The following KIF11 variants were observed in gnomAD, a reference collection of about 807,000 sequenced individuals.
KIF11 encodes the protein kinesin family member 11.
A neutral mutation model predicts 121.0 loss-of-function variants in KIF11; 9 were observed. The ratio of observed to expected loss-of-function variants is 0.07; its 90% CI spans 0.04 to 0.13. The LOEUF (loss-of-function observed/expected upper bound fraction) is 0.13. Among genes scored for constraint, KIF11 ranks in the 10% least tolerant of loss-of-function variants. KIF11 has a pLI of 1.00. For missense variants in KIF11, 846 were observed against 1,217.5 expected (o/e 0.69, Z 4.54); for synonymous variants, 408 against 421.0 (o/e 0.97, Z 0.38).
At chr10:92,597,808 C>T (rs924977481) in intron 1 of KIF11, among the ~76,000 whole-genome samples, 1 of 151,494 alleles carries the variant, frequency 6.6e-6, no homozygotes, top group East Asian at 2.0e-4. Context: ...TGCGCCACCA[C>T]GCCTGGCTAA....
At chr10:92,648,619 G>T (rs1564717983) in intron 19 of KIF11, among the ~76,000 whole-genome samples, 185 bp downstream of exon 19, 1 of 152,160 alleles carries the variant, frequency 6.6e-6, no homozygotes. Context: ...CATGATACAG[G>T]TGGTATCACA....
intron 21 of KIF11, among the ~76,000 whole-genome samples, chr10:92,651,502 ATTTTGTTTTTTTTTTTTTTTTTTTTTT>A (rs1844980028): frequency 9.3e-5 from 2 of 21,560 alleles, no homozygotes; most frequent in East Asian, 2.9e-3. Context: ...TGCCTGGCTA[ATTTTGTTTTTTTTTTTTTTTTTTTTTT>A]TTTTTTTTTT....
chr10:92,634,343 C>G (rs1844772758), intron 14 of KIF11, among the ~76,000 whole-genome samples: 1 of 150,840 alleles, frequency 6.6e-6, no homozygotes, highest in Non-Finnish European at 1.5e-5. Context: ...TTTCTCGGCT[C>G]ACTGCAACCT....
intron 6 of KIF11, among the ~76,000 whole-genome samples, chr10:92,611,212 T>C (rs1305396158): frequency 2.6e-5 from 4 of 151,928 alleles, no homozygotes; most frequent in Admixed American, 2.6e-4. Context: ...ATAGTATTAT[T>C]ATTATTATTA....
intron 17 of KIF11, among the ~76,000 whole-genome samples, chr10:92,644,271 G>A (rs987587959): frequency 6.6e-6 from 1 of 152,040 alleles, no homozygotes; most frequent in Non-Finnish European, 1.5e-5. Context: ...ATGGCTTATA[G>A]TACTTTTAAC....
chr10:92,634,024 G>A lies in KIF11; in HGVS notation c.1875+229G>A, dbSNP rs117725915. 0.034 allele frequency among the ~76,000 whole-genome samples: 5,194 copies of A among 152,164 alleles called. 138 individuals are homozygous for A. The highest frequency in any genetic ancestry group is 0.061 in the Admixed American group (925 of 15,282). On this transcript the variant is annotated intron_variant, in intron 14 of 21. Transcript: ENST00000260731. ...TTGTTTTGAGATGGAGTCTCGCTCT[G>A]TCGTCCAGGAGTGCAGTGGCGTGAT...
chr10:92,651,542 T>TTTTTTAG (rs1844984162), intron 21 of KIF11, among the ~76,000 whole-genome samples: 1 of 110,608 alleles, frequency 9.0e-6, no homozygotes, highest in Non-Finnish European at 1.8e-5. Flanking sequence ...TTTTTTTTTT[T>TTTTTTAG]TTTTTTAGTA....
At chr10:92,641,894 A>G (rs143879369) in intron 17 of KIF11, among the ~76,000 whole-genome samples, 1 of 152,294 alleles carries the variant, frequency 6.6e-6, no homozygotes, top group Admixed American at 6.5e-5. Flanking sequence ...CTGTCTTCAT[A>G]TTCACTGAGT....
At chr10:92,599,216 G>C (rs1424301063) in intron 1 of KIF11, among the ~76,000 whole-genome samples, 2 of 151,682 alleles carry the variant, frequency 1.3e-5, no homozygotes, top group African/African-American at 4.8e-5. Flanking sequence ...CATTCTTAGT[G>C]TATAAAAATG....
chr10:92,650,618 TC>T (rs1844970614), intron 21 of KIF11, 101 bp downstream of exon 21: 2 of 707,784 alleles, frequency 2.8e-6, no homozygotes, highest in Admixed American at 4.4e-5. Flanking sequence ...CAAAAACCTT[TC>T]AATTATTCCT....
intron 9 of KIF11, among the ~76,000 whole-genome samples, chr10:92,618,635 C>T (rs1390187096): frequency 7.2e-6 from 1 of 139,072 alleles, no homozygotes; most frequent in African/African-American, 3.1e-5. Flanking sequence ...CAGAGTGAGG[C>T]TCTGTCTCAA....
intron 1 of KIF11, among the ~76,000 whole-genome samples, chr10:92,599,175 G>A (rs985124995): frequency 1.3e-5 from 2 of 151,984 alleles, no homozygotes; most frequent in Non-Finnish European, 2.9e-5. Context: ...TTTAAATTGA[G>A]TTGTTTTTGT....
chr10:92,630,120 G>C (rs1261692804), intron 11 of KIF11, 56 bp from the exon 12 acceptor site: 2 of 880,544 alleles, frequency 2.3e-6, no homozygotes, highest in Non-Finnish European at 3.3e-6. Context: ...CTAATCTTAT[G>C]AACTAGCTAG....
intron 11 of KIF11, among the ~76,000 whole-genome samples, chr10:92,629,659 G>A (rs1197774157): frequency 1.3e-5 from 2 of 151,920 alleles, no homozygotes; most frequent in Non-Finnish European, 1.5e-5. Context: ...TGATGCCCAG[G>A]CTACAGTGCA....
At chr10:92,593,478 G>A (rs574102513) in intron 1 of KIF11, 26 bp downstream of exon 1, 61 of 1,594,132 alleles carry the variant, frequency 3.8e-5, no homozygotes, top group South Asian at 5.7e-5. Context: ...ACAGGATTCC[G>A]AGCGCTGCGG....
chr10:92,651,432 T>G (rs1012650506), intron 21 of KIF11, among the ~76,000 whole-genome samples: 1 of 148,452 alleles, frequency 6.7e-6, no homozygotes, highest in Non-Finnish European at 1.5e-5. Flanking sequence ...ACCTCCTGGG[T>G]TCAAGTGATT....
intron 20 of KIF11, 135 bp downstream of exon 20, chr10:92,650,121 G>C: frequency 1.5e-6 from 1 of 658,666 alleles, no homozygotes; most frequent in South Asian, 2.4e-5. Flanking sequence ...TAGCCCTTAG[G>C]CTTGTTTCTT....
chr10:92,641,903 G>A (rs1165356956), intron 17 of KIF11, among the ~76,000 whole-genome samples: 1 of 152,102 alleles, frequency 6.6e-6, no homozygotes. Context: ...TATTCACTGA[G>A]TCTCCTTCTG....
rs1426194232 is a variant in KIF11 at position 92,606,345 on chromosome 10, G to A, written c.158G>A (p.Arg53Gln). The A allele has an allele frequency of 4.3e-6, 7 of 1,612,456 alleles. No homozygotes were observed. Among genetic ancestry groups the A allele is most frequent in the East Asian group, 2.2e-5 (1 of 44,854 alleles). Residue 53 changes from arginine (R) to glutamine (Q), a missense_variant, in exon 2 of 22, where the codon CGA becomes CAA. By Grantham distance (43) the Arg-to-Gln change is conservative. Transcript: ENST00000260731. ...CCTGTACGAAAAGAAGTTAGTGTAC[G>A]AACTGGAGGATTGGCTGACAAGAGC... Reference protein sequence around the residue: ...CDPVRKEVSVRTGGLADKSSR... With the variant: ...CDPVRKEVSVQTGGLADKSSR...
Sources: gnomAD v4.1 joint callset for allele counts (sites outside exome capture counted in the v4.1 genomes callset) on GRCh38, gnomAD v4.1.1 for gene constraint, MANE v1.5 for transcripts, NCBI Gene and HGNC (gene_info 2026-07-23, HGNC 2026-07-21) for gene names.